The following CDC42BPA variants were observed in gnomAD, a reference collection of about 807,000 sequenced individuals.
CDC42BPA encodes CDC42 binding protein kinase alpha.
CDC42BPA carries 80 observed loss-of-function variants against 223.5 expected under a neutral mutation model. The observed-to-expected ratio is 0.36, with a 90% CI of 0.30 to 0.43. CDC42BPA has a LOEUF of 0.43. Among genes scored for constraint, CDC42BPA ranks in the 20% least tolerant of loss-of-function variants. The pLI is 1.00. For missense variants in CDC42BPA, 1,743 were observed against 2,099.9 expected, an observed-to-expected ratio of 0.83 and a Z score of 3.32; for synonymous variants, 694 against 718.6, an observed-to-expected ratio of 0.97 and a Z score of 0.55.
At chr1:227,189,464 T>C (rs1463235583) in intron 5 of CDC42BPA, among the ~76,000 whole-genome samples, 2 of 152,168 alleles carry the variant, frequency 1.3e-5, no homozygotes, top group Admixed American at 6.5e-5. Context: ...TGGCATATTG[T>C]CTATACTGTC....
chr1:227,036,110 T>C (rs1243858932), intron 24 of CDC42BPA, among the ~76,000 whole-genome samples: 1 of 152,192 alleles, frequency 6.6e-6, no homozygotes, highest in Non-Finnish European at 1.5e-5. Flanking sequence ...GGAGTTATTA[T>C]TACATATACT....
chr1:227,193,820 T>C lies in CDC42BPA; in HGVS notation c.565A>G (p.Ile189Val), dbSNP rs371745191. ...TAATGTAGCTGATGAACTGAGTCAA[T>C]TGCTATCACCATCTCAGCCAAGTAA... Reference protein sequence around the residue: ...RFYLAEMVIAIDSVHQLHYVH... With the variant: ...RFYLAEMVIAVDSVHQLHYVH... Residue 189 changes from isoleucine to valine, a missense_variant, in exon 5 of 37, where the codon ATT (isoleucine) becomes GTT (valine). Around this residue, in one of 6 missense-constraint regions of CDC42BPA, gnomAD observed 321 missense variants for 488.7 expected, o/e 0.66. Transcript: ENST00000366766. The C allele has an allele frequency of 1.0e-4, 166 of 1,613,184 alleles. No individual in the cohort carries two copies. The highest frequency in any genetic ancestry group is 6.0e-4 in the African/African-American group (45 of 74,902).
At chr1:227,288,694 T>C in intron 1 of CDC42BPA, among the ~76,000 whole-genome samples, 1 of 151,930 alleles carries the variant, frequency 6.6e-6, no homozygotes, top group Middle Eastern at 3.4e-3. Context: ...AGACTCGGTC[T>C]CAAAAAAAAA....
chr1:227,169,030 T>C (rs577425754), intron 5 of CDC42BPA, among the ~76,000 whole-genome samples: 7 of 152,206 alleles, frequency 4.6e-5, no homozygotes, highest in Admixed American at 2.0e-4. Context: ...ACTTCAAGTC[T>C]TTACTTTGTC....
chr1:227,141,371 T>C (rs186349351), intron 9 of CDC42BPA, among the ~76,000 whole-genome samples: 6 of 152,296 alleles, frequency 3.9e-5, no homozygotes, highest in Admixed American at 2.0e-4. Flanking sequence ...TGTAAGCTGA[T>C]AGAAATGATC....
intron 1 of CDC42BPA, among the ~76,000 whole-genome samples, chr1:227,292,315 A>C (rs1471625222): frequency 6.6e-6 from 1 of 152,060 alleles, no homozygotes. Flanking sequence ...TTAAAGAAAA[A>C]ATATGAAATC....
At chr1:227,193,425 G>A (rs1333745487) in intron 5 of CDC42BPA, among the ~76,000 whole-genome samples, 1 of 151,708 alleles carries the variant, frequency 6.6e-6, no homozygotes, top group Admixed American at 6.6e-5. Context: ...CATATTGTGT[G>A]GTTGTGAGTT....
chr1:227,109,158 G>A (rs1453060591), intron 14 of CDC42BPA, among the ~76,000 whole-genome samples: 1 of 152,140 alleles, frequency 6.6e-6, no homozygotes, highest in African/African-American at 2.4e-5. Flanking sequence ...TGACTGGTGA[G>A]TGAACATGAA....
intron 21 of CDC42BPA, chr1:227,068,349 C>A (rs1677536719): frequency 6.6e-6 from 1 of 150,936 alleles, no homozygotes; most frequent in South Asian, 2.1e-4. Flanking sequence ...TAAAAATAAG[C>A]AATTATTTAT....
intron 17 of CDC42BPA, among the ~76,000 whole-genome samples, chr1:227,079,588 G>T (rs1432365741): frequency 6.6e-6 from 1 of 152,130 alleles, no homozygotes; most frequent in Non-Finnish European, 1.5e-5. Context: ...CTTCAGAAAT[G>T]CAGACTTGAT....
intron 1 of CDC42BPA, among the ~76,000 whole-genome samples, chr1:227,278,383 C>T (rs535897862): frequency 6.6e-6 from 1 of 152,270 alleles, no homozygotes; most frequent in African/African-American, 2.4e-5. Context: ...ATGTCCACAA[C>T]ATAATCTAAT....
At chr1:227,316,255 A>C (rs1452235170) in intron 1 of CDC42BPA, among the ~76,000 whole-genome samples, 1 of 152,198 alleles carries the variant, frequency 6.6e-6, no homozygotes, top group African/African-American at 2.4e-5. Context: ...TTCAAGCTTG[A>C]AGGTCATGGA....
At position 227,257,160 on chromosome 1, in the gene CDC42BPA, T is replaced by C. The variant is rs187629678; in HGVS notation, c.179-3005A>G. Among the ~76,000 whole-genome samples, 372 of 152,192 alleles carry C rather than the reference T, an allele frequency of 2.4e-3. 3 individuals are homozygous for C. The highest frequency in any genetic ancestry group is 3.6e-3 in the Non-Finnish European group (246 of 67,998). The stretch of plus-strand genomic sequence containing the variant: ...AAATTCATAGAGACAGAAAGTAGAT[T>C]AAAGGTTACTAAGGGCTGGGGGACA... On this transcript the variant is annotated intron_variant, in intron 1 of 36. Transcript: ENST00000366766.
intron 24 of CDC42BPA, among the ~76,000 whole-genome samples, chr1:227,037,022 A>G (rs1670408913): frequency 6.6e-6 from 1 of 152,222 alleles, no homozygotes; most frequent in African/African-American, 2.4e-5. Flanking sequence ...AGACTCTAGA[A>G]GGGAAGAGAG....
chr1:227,223,267 T>C (rs983391210), intron 2 of CDC42BPA, among the ~76,000 whole-genome samples: 4 of 151,964 alleles, frequency 2.6e-5, no homozygotes, highest in African/African-American at 7.3e-5. Flanking sequence ...GCAGGAAATA[T>C]TTGTGGGGGA....
intron 17 of CDC42BPA, among the ~76,000 whole-genome samples, chr1:227,076,079 C>A (rs1251091765): frequency 6.6e-6 from 1 of 152,066 alleles, no homozygotes. Flanking sequence ...TTGATTAAAC[C>A]TATTTCTCTT....
chr1:227,294,106 CT>C (rs1690183627), intron 1 of CDC42BPA, among the ~76,000 whole-genome samples: 1 of 151,648 alleles, frequency 6.6e-6, no homozygotes, highest in Non-Finnish European at 1.5e-5. Context: ...CCCGTCTCTA[CT>C]AAAAATACAA....
intron 5 of CDC42BPA, among the ~76,000 whole-genome samples, chr1:227,175,064 A>G (rs1666726040): frequency 6.6e-6 from 1 of 152,152 alleles, no homozygotes; most frequent in Non-Finnish European, 1.5e-5. Flanking sequence ...ATTTCTAATT[A>G]TCTAAATTCA....
chr1:227,255,444 G>C (rs1319823010), intron 1 of CDC42BPA, among the ~76,000 whole-genome samples: 2 of 135,840 alleles, frequency 1.5e-5, no homozygotes, highest in Non-Finnish European at 3.2e-5. Flanking sequence ...GTAAGGAAAG[G>C]AAAGAGAGAG....
Sources: gnomAD v4.1 joint callset for allele counts (sites outside exome capture counted in the v4.1 genomes callset) on GRCh38, gnomAD v4.1.1 for gene constraint, gnomAD v4.1.1 regional missense constraint, MANE v1.5 for transcripts, NCBI Gene and HGNC (gene_info 2026-07-23, HGNC 2026-07-21) for gene names.